The following UNC5D variants were observed in gnomAD, a reference collection of about 807,000 sequenced individuals.
UNC5D encodes netrin receptor UNC5D.
Under a neutral mutation model 105.4 loss-of-function variants are expected in UNC5D, and 39 were observed. The ratio of observed to expected loss-of-function variants is 0.37; its 90% confidence interval spans 0.29 to 0.48. UNC5D has a LOEUF of 0.48. UNC5D is among the 20% of genes least tolerant of loss of function. The pLI, the probability that UNC5D is intolerant of heterozygous loss-of-function variation, is 0.98. For synonymous variants in UNC5D, 452 were observed against 450.4 expected, an observed-to-expected ratio of 1.00 and a Z score of -0.04; for missense variants, 991 against 1,202.4, an observed-to-expected ratio of 0.82 and a Z score of 2.60.
intron 11 of UNC5D, among the ~76,000 whole-genome samples, chr8:35,735,791 T>A (rs921927784): frequency 6.6e-6 from 1 of 152,148 alleles, no homozygotes; most frequent in African/African-American, 2.4e-5. Flanking sequence ...GCAAAAACCA[T>A]ACACACAAAA....
chr8:35,608,918 TACTC>T lies in UNC5D; in HGVS notation c.570+13263_570+13266del, dbSNP rs566670907. 5.5e-4 allele frequency among the ~76,000 whole-genome samples: 84 copies of T among 152,276 alleles called. 1 individual carries two copies. The highest frequency in any genetic ancestry group is 3.4e-3 in the Middle Eastern group (1 of 294). ...TTTAATTTTTTTTTTGGCGGGTAGA[TACTC>T]AGTAGTGAGATTGCAGGATCTAATG... On this transcript the variant is annotated intron_variant, in intron 4 of 16. Transcript: ENST00000404895.
At chr8:35,303,900 T>C (rs1808147076) in intron 1 of UNC5D, among the ~76,000 whole-genome samples, 1 of 152,272 alleles carries the variant, frequency 6.6e-6, no homozygotes, top group East Asian at 1.9e-4. Flanking sequence ...GGTTCTCTAG[T>C]TGTATTTTAT....
intron 7 of UNC5D, among the ~76,000 whole-genome samples, chr8:35,696,784 T>C (rs1323845927): frequency 6.6e-6 from 1 of 152,180 alleles, no homozygotes; most frequent in East Asian, 1.9e-4. Flanking sequence ...TATCATTAAC[T>C]CTATTAACCC....
chr8:35,299,015 A>G (rs985980381), intron 1 of UNC5D, among the ~76,000 whole-genome samples: 1 of 152,196 alleles, frequency 6.6e-6, no homozygotes, highest in East Asian at 1.9e-4. Context: ...ACTGTCAATG[A>G]TTAAACACTT....
intron 13 of UNC5D, among the ~76,000 whole-genome samples, chr8:35,757,202 A>C (rs1052930278): frequency 2.0e-5 from 3 of 152,220 alleles, no homozygotes; most frequent in East Asian, 3.9e-4. Context: ...TTTTGAGTGC[A>C]TGAAGACACC....
intron 1 of UNC5D, among the ~76,000 whole-genome samples, chr8:35,493,006 T>G (rs745452917): frequency 6.6e-6 from 1 of 152,114 alleles, no homozygotes; most frequent in Non-Finnish European, 1.5e-5. Context: ...GTGGGGATCG[T>G]AAGACAATTG....
At chr8:35,646,640 A>G (rs1471620799) in intron 4 of UNC5D, among the ~76,000 whole-genome samples, 4 of 152,128 alleles carry the variant, frequency 2.6e-5, no homozygotes, top group Admixed American at 2.6e-4. Flanking sequence ...TATGCTCCAG[A>G]CACGGGTATA....
chr8:35,471,176 A>G (rs1809694625), intron 1 of UNC5D, among the ~76,000 whole-genome samples: 1 of 152,102 alleles, frequency 6.6e-6, no homozygotes. Context: ...GCAGCTAAAG[A>G]TGACAGAAAC....
chr8:35,734,335 CAAAAAAAAAAAAAAAA>C (rs10657691), intron 11 of UNC5D, among the ~76,000 whole-genome samples: 1 of 28,288 alleles, frequency 3.5e-5, no homozygotes, highest in African/African-American at 1.1e-4. Context: ...TAATCACTGT[CAAAAAAAAAAAAAAAA>C]AAAAAAAAAA....
At chr8:35,253,898 A>G (rs191386007) in intron 1 of UNC5D, among the ~76,000 whole-genome samples, 141 of 152,304 alleles carry the variant, frequency 9.3e-4, no homozygotes, top group African/African-American at 3.2e-3. Context: ...AAGGTTGCAC[A>G]TATACATGGG....
chr8:35,517,786 A>T (rs1034583342), intron 1 of UNC5D, among the ~76,000 whole-genome samples: 4 of 152,144 alleles, frequency 2.6e-5, no homozygotes, highest in African/African-American at 9.7e-5. Context: ...AAACAACAGA[A>T]ATTTATTTCT....
intron 1 of UNC5D, among the ~76,000 whole-genome samples, chr8:35,456,603 G>A (rs939840325): frequency 2.6e-5 from 4 of 152,158 alleles, no homozygotes; most frequent in African/African-American, 9.6e-5. Flanking sequence ...TGATTTCAGT[G>A]TGACTTGTCA....
intron 1 of UNC5D, chr8:35,544,379 T>C (rs1815487229): frequency 1.3e-6 from 2 of 1,597,842 alleles, no homozygotes; most frequent in South Asian, 2.2e-5. Flanking sequence ...TAACAGAAAA[T>C]CTATCAGTAG....
At position 35,495,466 on chromosome 8, in the gene UNC5D, A is replaced by G. The variant is rs1811510714; in HGVS notation, c.104-53826A>G. Among the ~76,000 whole-genome samples the G allele has an allele frequency of 1.3e-5, 2 of 149,938 alleles. 1 individual carries two copies. The highest frequency in any genetic ancestry group is 3.0e-5 in the Non-Finnish European group (2 of 67,410). On this transcript the variant is annotated intron_variant, in intron 1 of 16. Transcript: ENST00000404895. ...ATGAACAACAACAACAACAAAAAAA[A>G]AAAAAAAAAAAAAAAGCAAAAAAAT...
At chr8:35,289,778 G>A (rs899737320) in intron 1 of UNC5D, among the ~76,000 whole-genome samples, 2 of 152,032 alleles carry the variant, frequency 1.3e-5, no homozygotes, top group African/African-American at 4.8e-5. Context: ...TGGCCAATAG[G>A]TATATGAACA....
chr8:35,387,197 A>G lies in UNC5D; in HGVS notation c.103+151310A>G, dbSNP rs201080083. 9.2e-5 allele frequency among the ~76,000 whole-genome samples: 14 copies of G among 151,850 alleles called. No homozygotes were observed. In the East Asian group the frequency reaches 2.5e-3, roughly 27 times the overall value. On this transcript the variant is annotated intron_variant, in intron 1 of 16. Coordinates refer to ENST00000404895, the MANE Select transcript of UNC5D (RefSeq NM_080872.4). Reference sequence around the variant, plus strand: ...AACATGGTGAAACCCTGTCTCTACTAAAAAATACAACAAAAATTAGCTGGG... The same window carrying G: ...AACATGGTGAAACCCTGTCTCTACTGAAAAATACAACAAAAATTAGCTGGG...
At chr8:35,337,881 A>G (rs12541372) in intron 1 of UNC5D, among the ~76,000 whole-genome samples, 81,728 of 152,048 alleles carry the variant, frequency 0.54, 22,826 homozygotes, top group East Asian at 0.7. Context: ...TTTGTGTTTG[A>G]GACATTATTT....
At chr8:35,603,500 T>C (rs1820041546) in intron 4 of UNC5D, among the ~76,000 whole-genome samples, 1 of 152,186 alleles carries the variant, frequency 6.6e-6, no homozygotes, top group Non-Finnish European at 1.5e-5. Context: ...GGTGTGGTGC[T>C]GAAAAGAATG....
intron 1 of UNC5D, among the ~76,000 whole-genome samples, chr8:35,457,764 A>G (rs1808591196): frequency 6.6e-6 from 1 of 152,140 alleles, no homozygotes; most frequent in Middle Eastern, 3.2e-3. Context: ...TTGGGAACCC[A>G]ATGGGAAGCA....
Sources: gnomAD v4.1 joint callset for allele counts (sites outside exome capture counted in the v4.1 genomes callset) on GRCh38, gnomAD v4.1.1 for gene constraint, MANE v1.5 for transcripts, NCBI Gene and HGNC (gene_info 2026-07-23, HGNC 2026-07-21) for gene names.